Variants in OPCML observed in about 807,000 individuals in gnomAD.
OPCML encodes opioid-binding protein/cell adhesion molecule.
OPCML carries 13 observed loss-of-function variants against 37.8 expected under a neutral mutation model. That is an observed-to-expected ratio of 0.34 (90% confidence interval 0.22 to 0.55). OPCML has a LOEUF of 0.55. Among genes scored for constraint, OPCML ranks in the 20% least tolerant of loss-of-function variants. The probability of loss-of-function intolerance (pLI) is 0.91; values close to 1 mark genes in which losing one functional copy is unlikely to be tolerated. For synonymous variants in OPCML, 176 were observed against 168.8 expected (o/e 1.04, Z -0.33); for missense variants, 341 against 435.6 (o/e 0.78, Z 1.93).
intron 1 of OPCML, among the ~76,000 whole-genome samples, chr11:132,998,479 T>G (rs1946928925): frequency 1.3e-5 from 2 of 152,210 alleles, no homozygotes; most frequent in South Asian, 4.1e-4. Flanking sequence ...TCTTATTTTC[T>G]TTAACTTCTT....
intron 5 of OPCML, 149 bp downstream of exon 5, chr11:132,437,073 A>G: frequency 4.4e-6 from 6 of 1,357,642 alleles, no homozygotes; most frequent in Non-Finnish European, 6.0e-6. Context: ...AATGGCACGG[A>G]GGCCATGGTG....
At chr11:133,419,943 T>C (rs1281403099) in intron 1 of OPCML, among the ~76,000 whole-genome samples, 2 of 152,184 alleles carry the variant, frequency 1.3e-5, no homozygotes, top group East Asian at 1.9e-4. Flanking sequence ...GCATATTCAA[T>C]GTAAATAAAA....
rs1941081473 is a variant in OPCML, at chr11:133,250,219, C to G, written c.61+282045G>C. Among the ~76,000 whole-genome samples the G allele has an allele frequency of 2.0e-5, 3 of 152,280 alleles. No homozygotes were observed. The South Asian group carries it at 6.2e-4, about 32-fold the overall frequency. On this transcript the variant is annotated intron_variant, in intron 1 of 7. Transcript: ENST00000524381. ...TTAGGCTTTACACATATAATATGTT[C>G]CCTCTTATGTATTTCTGTTATAATC...
At chr11:133,391,348 C>T (rs763255724) in intron 1 of OPCML, among the ~76,000 whole-genome samples, 93 of 152,294 alleles carry the variant, frequency 6.1e-4, no homozygotes, top group Admixed American at 2.9e-3. Context: ...TGTGGTTTGT[C>T]TTTCAGCAGC....
intron 2 of OPCML, among the ~76,000 whole-genome samples, chr11:132,768,321 C>G (rs1019032397): frequency 6.6e-6 from 1 of 152,164 alleles, no homozygotes; most frequent in East Asian, 1.9e-4. Context: ...TGGCTTGCCC[C>G]CATTCCGTCG....
At chr11:132,896,024 C>T (rs1174052239) in intron 2 of OPCML, among the ~76,000 whole-genome samples, 1 of 152,086 alleles carries the variant, frequency 6.6e-6, no homozygotes, top group East Asian at 1.9e-4. Context: ...TTGGATCAGG[C>T]CAAATTTACT....
At chr11:132,502,832 G>C (rs562252087) in intron 4 of OPCML, among the ~76,000 whole-genome samples, 1 of 152,250 alleles carries the variant, frequency 6.6e-6, no homozygotes, top group South Asian at 2.1e-4. Flanking sequence ...TGGAGAGAGT[G>C]GGGCGCCTTG....
rs937523258 is a variant in OPCML, at chr11:132,782,566, T to A, written c.147-125247A>T. Among the ~76,000 whole-genome samples, 7 of 152,208 alleles carry A rather than the reference T, an allele frequency of 4.6e-5. No homozygotes were observed. The East Asian group carries it at 9.6e-4, about 21-fold the overall frequency. On this transcript the variant is annotated intron_variant, in intron 2 of 7. Transcript: ENST00000524381. Reference sequence around the variant, plus strand: ...GTATGGTTCTGGCTTCTCTATTCTTTTTTGGTCCCGCTTTTTGGCTACTGG... The same window carrying A: ...GTATGGTTCTGGCTTCTCTATTCTTATTTGGTCCCGCTTTTTGGCTACTGG...
At chr11:133,444,978 A>G (rs4936189) in intron 1 of OPCML, among the ~76,000 whole-genome samples, 2,450 of 62,476 alleles carry the variant, frequency 0.039, 145 homozygotes, top group African/African-American at 0.18. Flanking sequence ...AGGTATGAAA[A>G]GTCACCAAGA....
intron 4 of OPCML, among the ~76,000 whole-genome samples, chr11:132,439,143 A>G (rs1053877247): frequency 2.0e-5 from 3 of 152,082 alleles, no homozygotes; most frequent in African/African-American, 7.2e-5. Context: ...GGGTCCCAAA[A>G]TGTACCCATA....
intron 3 of OPCML, among the ~76,000 whole-genome samples, chr11:132,613,500 G>A (rs2846400): frequency 4.6e-5 from 7 of 151,926 alleles, no homozygotes; most frequent in Admixed American, 3.3e-4. Flanking sequence ...GGAGAATTCC[G>A]TGGGATTCTT....
intron 1 of OPCML, among the ~76,000 whole-genome samples, chr11:133,464,760 A>G (rs1012260630): frequency 4.6e-5 from 7 of 152,190 alleles, no homozygotes; most frequent in African/African-American, 1.7e-4. Flanking sequence ...TCAGAAACCT[A>G]AGTGAGAGGT....
chr11:132,445,111 G>A (rs777252199), intron 4 of OPCML, among the ~76,000 whole-genome samples: 12 of 152,202 alleles, frequency 7.9e-5, no homozygotes, highest in Admixed American at 5.9e-4. Flanking sequence ...CATCCAGGGC[G>A]GCCATGCTGG....
chr11:133,467,174 C>T (rs753321802), intron 1 of OPCML, among the ~76,000 whole-genome samples: 17 of 152,188 alleles, frequency 1.1e-4, no homozygotes, highest in East Asian at 3.9e-4. Context: ...TTCCTACAAG[C>T]GCACTGCCAG....
At chr11:132,832,220 CTT>C (rs1246873320) in intron 2 of OPCML, among the ~76,000 whole-genome samples, 9 of 125,178 alleles carry the variant, frequency 7.2e-5, no homozygotes, top group Admixed American at 1.7e-4. Context: ...TTCCCAACCT[CTT>C]TTTTTTTTTT....
intron 1 of OPCML, among the ~76,000 whole-genome samples, chr11:133,457,915 G>T (rs934838020): frequency 6.6e-6 from 1 of 152,064 alleles, no homozygotes; most frequent in African/African-American, 2.4e-5. Flanking sequence ...GGGAGGCCTA[G>T]GCAGGTGGGT....
chr11:133,191,316 T>C (rs1203433795), intron 1 of OPCML, among the ~76,000 whole-genome samples: 1 of 152,186 alleles, frequency 6.6e-6, no homozygotes, highest in African/African-American at 2.4e-5. Context: ...CTTAAAAAAT[T>C]GGTTTGTCAT....
chr11:133,278,972 G>C (rs750580193), intron 1 of OPCML, among the ~76,000 whole-genome samples: 1 of 152,182 alleles, frequency 6.6e-6, no homozygotes, highest in Non-Finnish European at 1.5e-5. Context: ...TCCCGAGCAT[G>C]TTCAACTCCA....
intron 2 of OPCML, among the ~76,000 whole-genome samples, chr11:132,727,846 A>G (rs892445434): frequency 3.9e-5 from 6 of 152,208 alleles, no homozygotes; most frequent in African/African-American, 1.4e-4. Context: ...GCTAGGTGTA[A>G]TATGACAGCT....
Sources: gnomAD v4.1 joint callset for allele counts (sites outside exome capture counted in the v4.1 genomes callset) on GRCh38, gnomAD v4.1.1 for gene constraint, MANE v1.5 for transcripts, NCBI Gene and HGNC (gene_info 2026-07-23, HGNC 2026-07-21) for gene names.